Variants in ZNF883 observed in about 807,000 individuals in gnomAD.
The protein encoded by ZNF883 is zinc finger protein 883.
chr9:113,002,830 G>A (rs1828439484), upstream of ZNF883, among the ~76,000 whole-genome samples: 1 of 152,074 alleles, frequency 6.6e-6, no homozygotes, highest in Non-Finnish European at 1.5e-5. Flanking sequence ...CTTCATGGAA[G>A]GGATTAAGGA....
intron 2 of ZNF883, among the ~76,000 whole-genome samples, chr9:113,007,356 T>C (rs775008921): frequency 1.3e-5 from 2 of 152,260 alleles, no homozygotes; most frequent in Non-Finnish European, 2.9e-5. Context: ...CTAGTATTGC[T>C]GAATCTGTGA....
chr9:112,995,805 C>T (rs10732376), downstream of ZNF883, among the ~76,000 whole-genome samples: 105,593 of 151,954 alleles, frequency 0.69, 37,565 homozygotes, highest in East Asian at 0.89. Context: ...GCTAGATTTC[C>T]TAATGATTGA....
downstream of ZNF883, among the ~76,000 whole-genome samples, chr9:112,995,636 A>G (rs1457362777): frequency 6.6e-6 from 1 of 151,912 alleles, no homozygotes; most frequent in Non-Finnish European, 1.5e-5. Flanking sequence ...AATATAAGGA[A>G]TTTTCTAACT....
chr9:113,001,514 G>A (rs957394132), upstream of ZNF883, among the ~76,000 whole-genome samples: 1 of 152,166 alleles, frequency 6.6e-6, no homozygotes, highest in African/African-American at 2.4e-5. Flanking sequence ...GATGAATGCA[G>A]GTTTTTAAAA....
chr9:113,011,828 C>T (rs1047260970), intron 1 of ZNF883, among the ~76,000 whole-genome samples: 27 of 152,150 alleles, frequency 1.8e-4, no homozygotes, highest in Non-Finnish European at 3.7e-4. Flanking sequence ...ACAGTCAAAG[C>T]AAGGCCCAAA....
In ZNF883 at chr9:113,010,156, G is replaced by T. The variant is rs527669098; in HGVS notation, n.165+985C>A. 7.7e-4 allele frequency among the ~76,000 whole-genome samples: 117 copies of T among 152,264 alleles called. 1 individual carries two copies. Among genetic ancestry groups the T allele is most frequent in the African/African-American group, 2.7e-3 (112 of 41,536 alleles). Reference sequence around the variant, plus strand: ...GAACATTAGCTGGCAAAAAGTAGGTGCTCAATGAATATTTATTCAGTGAGT... The same window carrying T: ...GAACATTAGCTGGCAAAAAGTAGGTTCTCAATGAATATTTATTCAGTGAGT... On this transcript the variant is annotated intron_variant and non_coding_transcript_variant, in intron 2 of 4. Coordinates refer to the ZNF883 transcript ENST00000638622.
At chr9:112,990,937 T>C (rs1456055871) in intron 1 of ZNF883, among the ~76,000 whole-genome samples, 1 of 152,234 alleles carries the variant, frequency 6.6e-6, no homozygotes, top group Non-Finnish European at 1.5e-5. Flanking sequence ...TGGTTGTATT[T>C]CTGTGGGGTC....
chr9:112,993,781 C>T (rs187044307), downstream of ZNF883, among the ~76,000 whole-genome samples: 1 of 152,340 alleles, frequency 6.6e-6, no homozygotes, highest in Non-Finnish European at 1.5e-5. Flanking sequence ...GAGGCCCCAC[C>T]CAGTGAGGAG....
chr9:112,990,583 G>A (rs1469233150), intron 1 of ZNF883, among the ~76,000 whole-genome samples: 1 of 152,028 alleles, frequency 6.6e-6, no homozygotes, highest in African/African-American at 2.4e-5. Context: ...TTCTTTTTTT[G>A]TTGTATCTCT....
downstream of ZNF883, among the ~76,000 whole-genome samples, chr9:112,995,134 AG>A (rs1299856498): frequency 6.6e-6 from 1 of 152,236 alleles, no homozygotes; most frequent in African/African-American, 2.4e-5. Flanking sequence ...TTGAACCAGT[AG>A]ACTAAGTAAA....
intron 2 of ZNF883, among the ~76,000 whole-genome samples, chr9:113,007,535 C>G (rs1243847731): frequency 6.6e-6 from 1 of 152,164 alleles, no homozygotes; most frequent in Non-Finnish European, 1.5e-5. Context: ...ATCAGCCAGG[C>G]AAAATTAGCT....
chr9:112,988,554 G>A (rs188331843), intron 1 of ZNF883, among the ~76,000 whole-genome samples: 15 of 152,046 alleles, frequency 9.9e-5, no homozygotes, highest in Non-Finnish European at 1.9e-4. Flanking sequence ...CCAGTCTATC[G>A]TTGATTGGCA....
chr9:113,008,587 G>A (rs1828500984), intron 2 of ZNF883, among the ~76,000 whole-genome samples: 1 of 151,874 alleles, frequency 6.6e-6, no homozygotes, highest in Non-Finnish European at 1.5e-5. Context: ...GATCATTTAT[G>A]ATTTAAAAAT....
At position 113,008,670 on chromosome 9, in the gene ZNF883, T is replaced by C. The variant is rs1345304545; in HGVS notation, n.165+2471A>G. 3.3e-5 allele frequency among the ~76,000 whole-genome samples: 5 copies of C among 152,136 alleles called. No individual in the cohort carries two copies. The South Asian group carries it at 6.2e-4, about 19-fold the overall frequency. Reference sequence around the variant, plus strand: ...TATAGCTAAATAAGCAAAATATATATAAATGACAAAACTATCAGGAATTTT... The same window carrying C: ...TATAGCTAAATAAGCAAAATATATACAAATGACAAAACTATCAGGAATTTT... On this transcript the variant is annotated intron_variant and non_coding_transcript_variant, in intron 2 of 4. Transcript: ENST00000638622.
At chr9:112,995,237 C>T (rs1166710179), downstream of ZNF883, among the ~76,000 whole-genome samples, 1 of 152,214 alleles carries the variant, frequency 6.6e-6, no homozygotes, top group African/African-American at 2.4e-5. Flanking sequence ...CCCTGCCTGT[C>T]TTCAAGCTGG....
upstream of ZNF883, chr9:113,001,884 T>G (rs1000218416): frequency 6.6e-6 from 1 of 152,198 alleles, no homozygotes; most frequent in African/African-American, 2.4e-5. Flanking sequence ...ATCATCTGTT[T>G]AGTACAGAAA....
At chr9:112,992,911 G>A (rs117057834), downstream of ZNF883, among the ~76,000 whole-genome samples, 8,796 of 152,094 alleles carry the variant, frequency 0.058, 328 homozygotes, top group East Asian at 0.092. Context: ...GTGTTTTTCC[G>A]CTCCATCAGG....
Position 112,990,054 on chromosome 9 carries a change from T to TCTG in ZNF883, n.310-6478_310-6476dup, listed in dbSNP as rs752047877. 4.2e-4 allele frequency among the ~76,000 whole-genome samples: 64 copies of TCTG among 152,338 alleles called. 1 individual carries two copies. Among genetic ancestry groups the TCTG allele is most frequent in the Admixed American group, 2.4e-3 (37 of 15,310 alleles). ...GTTTTCTAGATATAGGGTCATGTCA[T>TCTG]CTGCAAACAGAGACAGTTTGATTTC... On this transcript the variant is annotated intron_variant and non_coding_transcript_variant, in intron 1 of 9. Coordinates refer to the ZNF883 transcript ENST00000638823.
rs771133505 is a variant in ZNF883, at chr9:112,988,618, G to A, written n.310-5039C>T. Among the ~76,000 whole-genome samples, 73 of 152,208 alleles carry A rather than the reference G, an allele frequency of 4.8e-4. 1 individual carries two copies. The highest frequency in any genetic ancestry group is 2.9e-3 in the Admixed American group (44 of 15,286). Reference sequence around the variant, plus strand: ...GTGAATAGTGCTGCAATAAACATACGTGTGCATGTATCTTCATAATAGAAT... The same window carrying A: ...GTGAATAGTGCTGCAATAAACATACATGTGCATGTATCTTCATAATAGAAT... On this transcript the variant is annotated intron_variant and non_coding_transcript_variant, in intron 1 of 9. Coordinates refer to the ZNF883 transcript ENST00000638823.
Sources: gnomAD v4.1 joint callset for allele counts (sites outside exome capture counted in the v4.1 genomes callset) on GRCh38, gnomAD v4.1.1 for gene constraint, MANE v1.5 for transcripts, NCBI Gene and HGNC (gene_info 2026-07-23, HGNC 2026-07-21) for gene names.